Variants in FER observed in about 807,000 individuals in gnomAD.
FER encodes the protein tyrosine-protein kinase Fer.
Under a neutral mutation model 111.0 loss-of-function variants are expected in FER, and 63 were observed. That is an observed-to-expected ratio of 0.57 (90% CI 0.46 to 0.70). The LOEUF is 0.70. Ranked by LOEUF, FER falls within the 30% of genes least tolerant of loss-of-function variation. FER has a pLI of 0.00. For synonymous variants in FER, 327 were observed against 313.9 expected, an observed-to-expected ratio of 1.04 and a Z score of -0.44; for missense variants, 914 against 954.0, an observed-to-expected ratio of 0.96 and a Z score of 0.55.
intron 5 of FER, among the ~76,000 whole-genome samples, chr5:108,837,491 C>A (rs1380672313): frequency 6.6e-6 from 1 of 152,174 alleles, no homozygotes; most frequent in Admixed American, 6.5e-5. Context: ...GCCTGGCTAG[C>A]ATTCTCAAGT....
At chr5:108,956,004 G>A (rs1391984532) in intron 12 of FER, among the ~76,000 whole-genome samples, 1 of 151,598 alleles carries the variant, frequency 6.6e-6, no homozygotes, top group Non-Finnish European at 1.5e-5. Context: ...CATTCAAATA[G>A]GTTAAAAGGA....
At position 108,962,498 on chromosome 5, in the gene FER, T is replaced by C. The variant is rs1759277547; in HGVS notation, c.1656+3151T>C. On this transcript the variant is annotated intron_variant, in intron 13 of 19. Transcript: ENST00000281092. ...TTAAGTGACATTATATTATATGATG[T>C]ATTTTTAATCATTTGTCTCTCCCAA... Among the ~76,000 whole-genome samples, 3 of 152,232 alleles carry C rather than the reference T, an allele frequency of 2.0e-5. No individual in the cohort carries two copies. The South Asian group carries it at 6.2e-4, about 31-fold the overall frequency.
intron 2 of FER, 67 bp downstream of exon 2, chr5:108,768,305 G>A (rs1020940690): frequency 2.0e-5 from 3 of 152,156 alleles, no homozygotes; most frequent in Non-Finnish European, 1.5e-5. Context: ...CTGAAATTGT[G>A]ACTTGTCTTG....
At chr5:108,847,858 T>C (rs1367726345) in intron 5 of FER, among the ~76,000 whole-genome samples, 2 of 152,122 alleles carry the variant, frequency 1.3e-5, no homozygotes, top group Non-Finnish European at 1.5e-5. Context: ...GTTTATGTAG[T>C]ATATTTTTTC....
At position 109,068,390 on chromosome 5, in the gene FER, G is replaced by A. The variant is rs1975010; in HGVS notation, c.1924+21192G>A. On this transcript the variant is annotated intron_variant, in intron 16 of 19. Coordinates refer to ENST00000281092, the MANE Select transcript of FER (RefSeq NM_005246.4). ...GTAGAGATGGGGTTTCACCATATTG[G>A]CCAGGCTGGTATCGAACTCCTGACC... Among the ~76,000 whole-genome samples the A allele has an allele frequency of 5.6e-3, 845 of 152,132 alleles. 11 individuals are homozygous for A. The highest frequency in any genetic ancestry group is 0.019 in the African/African-American group (778 of 41,478).
chr5:108,846,054 G>A (rs1409491427), intron 5 of FER, among the ~76,000 whole-genome samples: 2 of 152,072 alleles, frequency 1.3e-5, no homozygotes, highest in African/African-American at 2.4e-5. Context: ...TATCACCTAT[G>A]TCTATGTTTC....
At chr5:108,785,402 G>T in intron 2 of FER, 1 of 588,430 alleles carries the variant, frequency 1.7e-6, no homozygotes. Context: ...AAATATCATC[G>T]TAGATGAACT....
At chr5:108,879,773 G>T in intron 8 of FER, among the ~76,000 whole-genome samples, 1 of 145,422 alleles carries the variant, frequency 6.9e-6, no homozygotes, top group East Asian at 2.0e-4. Context: ...GCAGTGGCAC[G>T]ATCTTGGGTC....
intron 10 of FER, among the ~76,000 whole-genome samples, chr5:108,910,715 A>G (rs950499770): frequency 3.3e-5 from 5 of 152,032 alleles, no homozygotes; most frequent in Non-Finnish European, 7.4e-5. Context: ...GCCCCTGCTT[A>G]TAAGTGAGAA....
intron 6 of FER, among the ~76,000 whole-genome samples, chr5:108,869,457 C>G (rs1370432475): frequency 6.6e-6 from 1 of 151,044 alleles, no homozygotes; most frequent in African/African-American, 2.5e-5. Context: ...GAAATAGGGT[C>G]TTTGCAGATG....
intron 9 of FER, chr5:108,891,677 T>A (rs906659347): frequency 7.3e-5 from 11 of 151,474 alleles, no homozygotes; most frequent in Non-Finnish European, 1.5e-4. Context: ...CTTTTTTTTT[T>A]ATTATACTTT....
At chr5:109,098,199 G>A (rs1185967996) in intron 16 of FER, among the ~76,000 whole-genome samples, 2 of 151,700 alleles carry the variant, frequency 1.3e-5, no homozygotes, top group African/African-American at 4.8e-5. Flanking sequence ...TGCTATTTAA[G>A]TGTAGTGTTT....
chr5:108,748,317 G>T (rs536623351), intron 1 of FER: 14 of 152,428 alleles, frequency 9.2e-5, no homozygotes, highest in African/African-American at 3.4e-4. Context: ...CCTTCCCGGA[G>T]ATTTCAGCTC....
At chr5:108,993,928 T>C (rs1763666164) in intron 13 of FER, among the ~76,000 whole-genome samples, 1 of 152,220 alleles carries the variant, frequency 6.6e-6, no homozygotes, top group East Asian at 1.9e-4. Flanking sequence ...ATGTCTTCTT[T>C]TCAGAAGTGT....
At chr5:108,807,942 GT>G (rs1426317256) in intron 3 of FER, among the ~76,000 whole-genome samples, 3 of 147,592 alleles carry the variant, frequency 2.0e-5, no homozygotes, top group African/African-American at 7.4e-5. Context: ...TCTTCTTGGT[GT>G]TGACTTCTGC....
rs1443106850 is a variant in FER at position 108,865,505 on chromosome 5, A to G, written c.482-2262A>G. 3.9e-5 allele frequency among the ~76,000 whole-genome samples: 6 copies of G among 152,208 alleles called. No homozygotes were observed. The South Asian group carries it at 6.2e-4, about 16-fold the overall frequency. ...CCCAGAAGAAAACCTTGGCAATACC[A>G]TTCAGGACATAGGCATGGGTAAGGA... On this transcript the variant is annotated intron_variant, in intron 5 of 19. Transcript: ENST00000281092.
chr5:109,088,993 C>G (rs1777862421), intron 16 of FER, among the ~76,000 whole-genome samples: 1 of 152,022 alleles, frequency 6.6e-6, no homozygotes. Flanking sequence ...AATAGGCTAC[C>G]CTAGATTTCT....
chr5:108,864,976 C>T (rs1322438876), intron 5 of FER, among the ~76,000 whole-genome samples: 1 of 152,086 alleles, frequency 6.6e-6, no homozygotes, highest in Non-Finnish European at 1.5e-5. Context: ...GATATTGATT[C>T]TTCCTACCCA....
At chr5:109,031,865 G>T (rs1435674123) in intron 13 of FER, among the ~76,000 whole-genome samples, 2 of 152,050 alleles carry the variant, frequency 1.3e-5, no homozygotes, top group Non-Finnish European at 2.9e-5. Flanking sequence ...CATTACTCAT[G>T]TGACACTTGA....
Sources: allele counts gnomAD v4.1 joint callset (sites outside exome capture counted in the v4.1 genomes callset), GRCh38; gene constraint gnomAD v4.1.1; transcripts MANE v1.5; gene names NCBI Gene and HGNC (gene_info 2026-07-23, HGNC 2026-07-21).